ABHD12: variants seen among roughly 807,000 people sequenced by gnomAD.
ABHD12 encodes the protein lysophosphatidylserine lipase ABHD12.
ABHD12 carries 43 observed loss-of-function variants against 58.3 expected under a neutral mutation model. That is an observed-to-expected ratio of 0.74 (90% CI 0.58 to 0.95). The LOEUF (loss-of-function observed/expected upper bound fraction) is 0.95, where lower values mean the gene tolerates loss of function less well. ABHD12 is among the 40% of genes least tolerant of loss of function. The pLI is 0.00. For synonymous variants in ABHD12, 219 were observed against 211.2 expected (o/e 1.04, Z -0.32); for missense variants, 539 against 537.2 (o/e 1.00, Z -0.03).
At chr20:25,368,078 T>A (rs977554842) in intron 1 of ABHD12, among the ~76,000 whole-genome samples, 4 of 152,240 alleles carry the variant, frequency 2.6e-5, no homozygotes, top group African/African-American at 9.6e-5. Context: ...TGTTATTTTG[T>A]TTTTATTCAT....
rs117746733 is a variant in ABHD12, at chr20:25,339,210, G to A, written c.316+17C>T. Reference sequence around the variant, plus strand: ...CCCTTACTAAAATTAAAGGAAAAATGGACACATACCACTTACCGAAATTCA... The same window carrying A: ...CCCTTACTAAAATTAAAGGAAAAATAGACACATACCACTTACCGAAATTCA... On this transcript the variant is annotated intron_variant, in intron 2 of 12. Coordinates refer to ENST00000339157, the MANE Select transcript of ABHD12 (RefSeq NM_001042472.3). The A allele has an allele frequency of 3.2e-5, 52 of 1,613,852 alleles. No individual in the cohort carries two copies. The highest frequency in any genetic ancestry group is 4.2e-5 in the Non-Finnish European group (49 of 1,179,886).
intron 1 of ABHD12, among the ~76,000 whole-genome samples, chr20:25,340,372 T>C (rs2146038275): frequency 6.6e-6 from 1 of 152,362 alleles, no homozygotes; most frequent in East Asian, 1.9e-4. Flanking sequence ...GCCAGAGAGT[T>C]TAACAGAAAG....
At chr20:25,388,412 G>T (rs1291450452) in intron 1 of ABHD12, among the ~76,000 whole-genome samples, 2 of 152,168 alleles carry the variant, frequency 1.3e-5, no homozygotes, top group Non-Finnish European at 2.9e-5. Context: ...TGCGGGGGAG[G>T]CACACGAGCA....
chr20:25,372,912 A>G (rs536722471), intron 1 of ABHD12, among the ~76,000 whole-genome samples: 10 of 152,328 alleles, frequency 6.6e-5, no homozygotes, highest in Admixed American at 2.0e-4. Context: ...GCAGGCTCCA[A>G]TCATGGTAAG....
intron 2 of ABHD12, among the ~76,000 whole-genome samples, chr20:25,333,803 C>A (rs6050541): frequency 6.6e-6 from 1 of 151,198 alleles, no homozygotes; most frequent in Non-Finnish European, 1.5e-5. Flanking sequence ...TGATGGGACA[C>A]ATCTCAAAAT....
chr20:25,370,687 T>C (rs932807653), intron 1 of ABHD12, among the ~76,000 whole-genome samples: 1 of 152,188 alleles, frequency 6.6e-6, no homozygotes, highest in Non-Finnish European at 1.5e-5. Flanking sequence ...TAACCATCCA[T>C]GCCTTGGCTT....
intron 1 of ABHD12, chr20:25,339,807 G>A: frequency 8.2e-7 from 1 of 1,212,340 alleles, no homozygotes; most frequent in Non-Finnish European, 1.1e-6. Flanking sequence ...GTAGACCAAG[G>A]ACATCAACAG....
At chr20:25,363,653 G>C (rs1035396589) in intron 1 of ABHD12, among the ~76,000 whole-genome samples, 2 of 152,038 alleles carry the variant, frequency 1.3e-5, no homozygotes, top group Admixed American at 6.6e-5. Context: ...GATTACCTGA[G>C]GTCAGGAGTT....
downstream of ABHD12, chr20:25,297,523 A>G (rs1276997149): frequency 6.6e-6 from 1 of 152,348 alleles, no homozygotes; most frequent in Non-Finnish European, 1.5e-5. Context: ...TCGTCTGGAA[A>G]AAGGACCAGG....
chr20:25,310,831 G>T (rs537600332), intron 6 of ABHD12, among the ~76,000 whole-genome samples: 2 of 152,316 alleles, frequency 1.3e-5, no homozygotes, highest in Admixed American at 1.3e-4. Flanking sequence ...GACAGTCGGA[G>T]ATGGAGCTGG....
intron 1 of ABHD12, among the ~76,000 whole-genome samples, chr20:25,379,540 G>A (rs2089998447): frequency 6.6e-6 from 1 of 151,976 alleles, no homozygotes; most frequent in Admixed American, 6.6e-5. Context: ...AGAACACTGG[G>A]TCCCATCCCT....
rs1473407355 is a variant in ABHD12, at chr20:25,368,774, A to G, written c.191+21739T>C. ...AACAGTGGGGTTGACCATGGCTGATAGTACAGGGCTCCCAGCGGCGGTGGC... is the reference window on the plus strand; with the variant it reads ...AACAGTGGGGTTGACCATGGCTGATGGTACAGGGCTCCCAGCGGCGGTGGC... On this transcript the variant is annotated intron_variant, in intron 1 of 12. Coordinates refer to ENST00000339157, the MANE Select transcript of ABHD12 (RefSeq NM_001042472.3). 1.3e-5 allele frequency: 11 copies of G among 842,192 alleles called. No individual in the cohort carries two copies. In the East Asian group the frequency reaches 3.5e-4, roughly 26 times the overall value. The allele number at this position is 842,192 out of a possible 1,614,324, so 52.2% of individuals were successfully genotyped here.
At chr20:25,304,342 C>T (rs1236071793) in intron 10 of ABHD12, among the ~76,000 whole-genome samples, 1 of 152,254 alleles carries the variant, frequency 6.6e-6, no homozygotes, top group Non-Finnish European at 1.5e-5. Flanking sequence ...GTGCGAGTCC[C>T]TCTCACCAGA....
intron 4 of ABHD12, among the ~76,000 whole-genome samples, chr20:25,319,615 G>A (rs1451101226): frequency 6.6e-6 from 1 of 152,130 alleles, no homozygotes; most frequent in Non-Finnish European, 1.5e-5. Flanking sequence ...GCCACTTCAG[G>A]CAGCATGACA....
At chr20:25,337,673 C>T (rs1337588638) in intron 2 of ABHD12, among the ~76,000 whole-genome samples, 1 of 152,228 alleles carries the variant, frequency 6.6e-6, no homozygotes, top group Non-Finnish European at 1.5e-5. Context: ...AGGGGGCCAG[C>T]AAAGGTAGAA....
chr20:25,390,476 G>GCCCCC (rs773039836), intron 1 of ABHD12, 37 bp downstream of exon 1: 162 of 1,034,930 alleles, frequency 1.6e-4, no homozygotes, highest in South Asian at 7.2e-4. Flanking sequence ...GTGAGGGACC[G>GCCCCC]GCCCCCCCCC....
At chr20:25,296,875 G>A (rs1488955931), downstream of ABHD12, 1 of 221,950 alleles carries the variant, frequency 4.5e-6, no homozygotes. Context: ...GATGTCTTTA[G>A]TGTTGAGCCT....
At chr20:25,376,552 C>T (rs2089965094) in intron 1 of ABHD12, among the ~76,000 whole-genome samples, 1 of 152,242 alleles carries the variant, frequency 6.6e-6, no homozygotes, top group South Asian at 2.1e-4. Flanking sequence ...AAAAATATTT[C>T]ACCACTGTGG....
Position 25,303,362 on chromosome 20 carries a change from C to T in ABHD12, c.1029+188G>A, listed in dbSNP as rs113307391. 2.4e-4 allele frequency: 364 copies of T among 1,492,772 alleles called. 1 individual carries two copies. The African/African-American group carries it at 4.3e-3, about 18-fold the overall frequency. The allele number at this position is 1,492,772 out of a possible 1,614,324, so 92.5% of individuals were successfully genotyped here. A position where few individuals can be genotyped will look rare whatever the true frequency, so the allele number is the denominator to read the frequency against. On this transcript the variant is annotated intron_variant, in intron 11 of 12. Coordinates refer to ENST00000339157, the MANE Select transcript of ABHD12 (RefSeq NM_001042472.3). The stretch of plus-strand genomic sequence containing the variant: ...ACCTTTACACCAGACCTCCCATGTC[C>T]TTCCGAAGCAGCCTGGAGGTGACGC...
Sources: gnomAD v4.1 joint callset for allele counts (sites outside exome capture counted in the v4.1 genomes callset) on GRCh38, gnomAD v4.1.1 for gene constraint, MANE v1.5 for transcripts, NCBI Gene and HGNC (gene_info 2026-07-23, HGNC 2026-07-21) for gene names.